The following TCF12 variants were observed in gnomAD, a reference collection of about 807,000 sequenced individuals.
TCF12 encodes DNA-binding protein HTF4.
In TCF12, 45 loss-of-function variants were observed where a neutral mutation model predicts 86.0. That is an observed-to-expected ratio of 0.52 (90% CI 0.41 to 0.67). TCF12 has a LOEUF of 0.67. Among genes scored for constraint, TCF12 ranks in the 30% least tolerant of loss-of-function variants. The probability of loss-of-function intolerance (pLI) is 0.00; values close to 1 mark genes in which losing one functional copy is unlikely to be tolerated. For missense variants in TCF12, 881 were observed against 859.9 expected, an observed-to-expected ratio of 1.02 and a Z score of -0.31; for synonymous variants, 330 against 299.6, an observed-to-expected ratio of 1.10 and a Z score of -1.05.
chr15:57,154,228 G>C (rs1412691997), intron 5 of TCF12, among the ~76,000 whole-genome samples: 2 of 151,842 alleles, frequency 1.3e-5, no homozygotes, highest in African/African-American at 2.4e-5. Flanking sequence ...TTAAGAATAG[G>C]GTCTTCGCTA....
chr15:57,197,716 G>C lies in TCF12; in HGVS notation c.527-57G>C, dbSNP rs2057340289. 1.9e-6 allele frequency: 3 copies of C among 1,579,582 alleles called. 1 individual carries two copies. The South Asian group carries it at 3.4e-5, about 18-fold the overall frequency. On this transcript the variant is annotated intron_variant, in intron 7 of 20. Coordinates refer to ENST00000333725, the MANE Select transcript of TCF12 (RefSeq NM_207037.2). Reference sequence around the variant, plus strand: ...GGAAAAGTTATTCTGTTAATTTGAAGTCTTGATTTTTTTCTGGTATATTAT... The same window carrying C: ...GGAAAAGTTATTCTGTTAATTTGAACTCTTGATTTTTTTCTGGTATATTAT...
At chr15:57,201,331 A>G (rs895633483) in intron 8 of TCF12, among the ~76,000 whole-genome samples, 35 of 152,334 alleles carry the variant, frequency 2.3e-4, no homozygotes, top group Non-Finnish European at 3.1e-4. Context: ...CTGGTGACAT[A>G]GGGTAGGTAG....
At chr15:56,976,224 C>CTTTTTTTTTTTTTTTT (rs35959497) in intron 3 of TCF12, among the ~76,000 whole-genome samples, 1 of 57,378 alleles carries the variant, frequency 1.7e-5, no homozygotes, top group Non-Finnish European at 3.0e-5. Flanking sequence ...AAGGAAGTTT[C>CTTTTTTTTTTTTTTTT]TTTTTTTTTT....
intron 12 of TCF12, among the ~76,000 whole-genome samples, chr15:57,236,218 C>G (rs2059373981): frequency 6.6e-6 from 1 of 152,140 alleles, no homozygotes; most frequent in African/African-American, 2.4e-5. Flanking sequence ...TTCCCCACTT[C>G]CCAGCCGGAC....
At chr15:57,088,246 T>G (rs2048772509) in intron 4 of TCF12, among the ~76,000 whole-genome samples, 1 of 152,214 alleles carries the variant, frequency 6.6e-6, no homozygotes, top group Non-Finnish European at 1.5e-5. Context: ...TACATTATTT[T>G]GCTTTGTTCT....
At chr15:56,934,565 C>G (rs2060385609) in intron 3 of TCF12, among the ~76,000 whole-genome samples, 1 of 152,168 alleles carries the variant, frequency 6.6e-6, no homozygotes, top group African/African-American at 2.4e-5. Context: ...GATGAAGATG[C>G]TCCTGCAGCA....
chr15:57,100,102 A>T (rs17239222), intron 5 of TCF12, among the ~76,000 whole-genome samples: 27,294 of 152,068 alleles, frequency 0.18, 2,989 homozygotes, highest in Non-Finnish European at 0.24. Context: ...AGATCTGATA[A>T]ATGGTTCTTC....
intron 3 of TCF12, among the ~76,000 whole-genome samples, chr15:56,968,334 C>T (rs942937587): frequency 6.6e-6 from 1 of 150,992 alleles, no homozygotes; most frequent in Non-Finnish European, 1.5e-5. Flanking sequence ...TCATTATTTT[C>T]CTTTGCATCC....
Position 56,920,487 on chromosome 15 carries a change from C to CACGTGTGTGTGTGT in TCF12, c.75+499_75+500insACGTGTGTGTGTGT, listed in dbSNP as rs3223202. Among the ~76,000 whole-genome samples the CACGTGTGTGTGTGT allele has an allele frequency of 4.0e-3, 585 of 146,942 alleles. 5 individuals carry two copies. Among genetic ancestry groups the CACGTGTGTGTGTGT allele is most frequent in the East Asian group, 0.02 (94 of 4,750 alleles). On this transcript the variant is annotated intron_variant, in intron 2 of 20. Transcript: ENST00000333725. ...TACTTTTATTTTATACACACACACACGTGTGTGTGTGTGTGTGTGTGTATT... is the reference window on the plus strand; with the variant it reads ...TACTTTTATTTTATACACACACACACACGTGTGTGTGTGTGTGTGTGTGTGTGTGTGTGTGTATT...
At chr15:56,935,009 G>T (rs1453429890) in intron 3 of TCF12, among the ~76,000 whole-genome samples, 3 of 152,160 alleles carry the variant, frequency 2.0e-5, no homozygotes, top group Non-Finnish European at 4.4e-5. Flanking sequence ...ATCTTAAATT[G>T]CAACGATGAG....
At chr15:57,019,161 A>C (rs1336588541) in intron 3 of TCF12, among the ~76,000 whole-genome samples, 1 of 152,236 alleles carries the variant, frequency 6.6e-6, no homozygotes, top group African/African-American at 2.4e-5. Context: ...GCACTGGCTA[A>C]AGTGCAACTT....
At chr15:57,199,190 C>T (rs2057414272) in intron 8 of TCF12, among the ~76,000 whole-genome samples, 1 of 152,022 alleles carries the variant, frequency 6.6e-6, no homozygotes, top group South Asian at 2.1e-4. Flanking sequence ...TCGTTATTCC[C>T]GAAGACAGGA....
intron 18 of TCF12, among the ~76,000 whole-genome samples, chr15:57,264,685 G>A (rs761611734): frequency 5.9e-5 from 9 of 152,104 alleles, no homozygotes; most frequent in East Asian, 1.9e-4. Context: ...TTCACAGGCA[G>A]TAACATGCAG....
intron 3 of TCF12, among the ~76,000 whole-genome samples, chr15:56,948,761 C>G (rs1243346385): frequency 6.6e-6 from 1 of 152,166 alleles, no homozygotes; most frequent in Non-Finnish European, 1.5e-5. Context: ...AAATGTATTG[C>G]AAGCATTACT....
chr15:57,235,282 A>C (rs1048122069), intron 12 of TCF12, among the ~76,000 whole-genome samples: 1 of 152,206 alleles, frequency 6.6e-6, no homozygotes, highest in Admixed American at 6.5e-5. Context: ...TGTTTCATTT[A>C]ATCCTCAAGA....
At chr15:57,091,987 G>A (rs2151118517) in intron 5 of TCF12, 96 bp downstream of exon 5, 5 of 997,620 alleles carry the variant, frequency 5.0e-6, no homozygotes, top group Middle Eastern at 2.9e-4. Flanking sequence ...TAAGTATCTA[G>A]AAGAAAGTTC....
In TCF12 at chr15:56,918,826, G is replaced by T. The variant is rs1414729503; in HGVS notation, c.-103G>T. ...GCAAAGTGAACCGAGCCGCTGGGCGGTGCAAGGGGAAGCCCAAGCCCGTTC... is the reference window on the plus strand; with the variant it reads ...GCAAAGTGAACCGAGCCGCTGGGCGTTGCAAGGGGAAGCCCAAGCCCGTTC... On this transcript the variant is annotated 5_prime_UTR_variant, in exon 1 of 21. Transcript: ENST00000333725. The T allele has an allele frequency of 6.4e-6, 1 of 155,050 alleles. No homozygotes were observed. The allele number at this position is 155,050 out of a possible 1,614,324, so 9.6% of individuals were successfully genotyped here.
chr15:57,276,693 A>G (rs543273000), intron 19 of TCF12, among the ~76,000 whole-genome samples: 2 of 152,260 alleles, frequency 1.3e-5, no homozygotes, highest in African/African-American at 2.4e-5. Context: ...GAATCAAAAT[A>G]TCATCAGCGT....
Position 57,251,434 on chromosome 15 carries a change from C to T in TCF12, c.1188+11C>T. ...TCACTCCACTCCCTGGTAAGAGCCTCTTATACATCAGTTTTATCTGATAGC... is the reference window on the plus strand; with the variant it reads ...TCACTCCACTCCCTGGTAAGAGCCTTTTATACATCAGTTTTATCTGATAGC... On this transcript the variant is annotated intron_variant, in intron 14 of 20. Transcript: ENST00000333725. 6.2e-7 allele frequency: 1 copy of T among 1,613,384 alleles called. No individual in the cohort carries two copies. The highest frequency in any genetic ancestry group is 1.3e-5 in the African/African-American group (1 of 75,010).
Sources: gnomAD v4.1 joint callset for allele counts (sites outside exome capture counted in the v4.1 genomes callset) on GRCh38, gnomAD v4.1.1 for gene constraint, MANE v1.5 for transcripts, NCBI Gene and HGNC (gene_info 2026-07-23, HGNC 2026-07-21) for gene names.